Variants in IQSEC1 observed in about 807,000 individuals in gnomAD.
IQSEC1 encodes IQ motif and SEC7 domain-containing protein 1.
A neutral mutation model predicts 91.0 loss-of-function variants in IQSEC1; 31 were observed. That is an observed-to-expected ratio of 0.34 (90% CI 0.26 to 0.46). IQSEC1 has a LOEUF of 0.46. Among genes scored for constraint, IQSEC1 ranks in the 20% least tolerant of loss-of-function variants. The probability of loss-of-function intolerance (pLI) is 1.00; values close to 1 mark genes in which losing one functional copy is unlikely to be tolerated. For synonymous variants in IQSEC1, 699 were observed against 662.6 expected (o/e 1.05, Z -0.84); for missense variants, 1,388 against 1,575.6 (o/e 0.88, Z 2.02).
chr3:12,993,005 C>A (rs928734492), intron 1 of IQSEC1, among the ~76,000 whole-genome samples: 1 of 152,082 alleles, frequency 6.6e-6, no homozygotes, highest in Non-Finnish European at 1.5e-5. Flanking sequence ...GGGTCCCACA[C>A]TCTAAGACCC....
At chr3:13,228,848 T>G (rs1364033802) in intron 1 of IQSEC1, among the ~76,000 whole-genome samples, 4 of 152,230 alleles carry the variant, frequency 2.6e-5, no homozygotes, top group Non-Finnish European at 4.4e-5. Context: ...CCTTCAGGAC[T>G]TGGTGTAAAT....
chr3:13,066,357 G>C (rs1033545979), intron 1 of IQSEC1, among the ~76,000 whole-genome samples: 6 of 152,274 alleles, frequency 3.9e-5, no homozygotes, highest in African/African-American at 1.4e-4. Context: ...GCAAAGGCAG[G>C]ACTTCCGGGC....
At position 13,112,751 on chromosome 3, in the gene IQSEC1, C is replaced by T. The variant is rs908962185; in HGVS notation, c.302+51353G>A. 3.9e-5 allele frequency among the ~76,000 whole-genome samples: 6 copies of T among 152,218 alleles called. 1 individual carries two copies. The highest frequency in any genetic ancestry group is 2.0e-4 in the Admixed American group (3 of 15,292). The stretch of plus-strand genomic sequence containing the variant: ...GCGAGCAGGCCCACCTGCCCCTATG[C>T]CCCTCCCCTGACCTGGCCACACAGG... On this transcript the variant is annotated intron_variant, in intron 2 of 15. Coordinates refer to the IQSEC1 transcript ENST00000648114.
At chr3:13,131,710 C>A (rs1706624400) in intron 2 of IQSEC1, among the ~76,000 whole-genome samples, 1 of 152,122 alleles carries the variant, frequency 6.6e-6, no homozygotes, top group African/African-American at 2.4e-5. Flanking sequence ...TGGTCTCGAA[C>A]TCCTGACCTC....
In IQSEC1 at chr3:13,032,515, G is replaced by A. The variant is rs977803149; in HGVS notation, c.23+40477C>T. On this transcript the variant is annotated intron_variant, in intron 1 of 13. Coordinates refer to ENST00000613206, the MANE Select transcript of IQSEC1 (RefSeq NM_001134382.3). The stretch of plus-strand genomic sequence containing the variant: ...GATCCTGACACGGAAGGACAAGTGT[G>A]CACCCCTAAAACACCAAAATAGCCC... Among the ~76,000 whole-genome samples, 9 of 152,292 alleles carry A rather than the reference G, an allele frequency of 5.9e-5. No homozygotes were observed. In the South Asian group the frequency reaches 1.9e-3, roughly 32 times the overall value.
At position 13,250,419 on chromosome 3, in the gene IQSEC1, C is replaced by CTTTT. The variant is rs201786837; in HGVS notation, c.272+32291_272+32292insAAAA. Among the ~76,000 whole-genome samples the CTTTT allele has an allele frequency of 2.4e-3, 347 of 147,154 alleles. 7 individuals are homozygous for CTTTT. The highest frequency in any genetic ancestry group is 7.1e-3 in the Middle Eastern group (2 of 282). Reference sequence around the variant, plus strand: ...CAGCGAGTGCTATCAGCCCCACTTTCCTTTTTTTTTTTTTTTTGAGACAGA... The same window carrying CTTTT: ...CAGCGAGTGCTATCAGCCCCACTTTCTTTTCTTTTTTTTTTTTTTTTGAGACAGA... On this transcript the variant is annotated intron_variant, in intron 1 of 15. Coordinates refer to the IQSEC1 transcript ENST00000648114.
At chr3:12,985,493 C>CG (rs1220916966) in intron 1 of IQSEC1, among the ~76,000 whole-genome samples, 1 of 142,464 alleles carries the variant, frequency 7.0e-6, no homozygotes, top group Non-Finnish European at 1.5e-5. Context: ...TTAACAATCC[C>CG]CCCCCCCCCG....
At chr3:12,988,114 CTATT>C in intron 1 of IQSEC1, among the ~76,000 whole-genome samples, 1 of 152,290 alleles carries the variant, frequency 6.6e-6, no homozygotes, top group East Asian at 1.9e-4. Context: ...CAATGAAATA[CTATT>C]TATTTAAAAG....
intron 3 of IQSEC1, among the ~76,000 whole-genome samples, chr3:12,933,389 G>A (rs2125286258): frequency 6.6e-6 from 1 of 152,314 alleles, no homozygotes; most frequent in East Asian, 1.9e-4. Flanking sequence ...GCACACAGGA[G>A]CAAGACAGCC....
chr3:13,109,467 C>G (rs1576254129), intron 2 of IQSEC1, among the ~76,000 whole-genome samples: 1 of 152,164 alleles, frequency 6.6e-6, no homozygotes, highest in Non-Finnish European at 1.5e-5. Flanking sequence ...CACCTGCCCC[C>G]AGAGGCTGTG....
Position 12,908,645 on chromosome 3 carries a change from G to C in IQSEC1, c.2579-120C>G. 1.8e-6 allele frequency: 2 copies of C among 1,091,574 alleles called. No homozygotes were observed. Among genetic ancestry groups the C allele is most frequent in the South Asian group, 1.4e-5 (1 of 69,444 alleles). 67.6% of individuals were successfully genotyped at this position (1,091,574 alleles called of 1,614,324 possible). On this transcript the variant is annotated intron_variant, in intron 11 of 13. Coordinates refer to ENST00000613206, the MANE Select transcript of IQSEC1 (RefSeq NM_001134382.3). This position sits in a 1 kb window ranked among gnomAD's most constrained non-coding sequence, Gnocchi z 4.9. Reference sequence around the variant, plus strand: ...CCACCATCTGCTTGGAATGGGGAAGGGTTGTTTCTGGGAAAGAGGGTGTGA... The same window carrying C: ...CCACCATCTGCTTGGAATGGGGAAGCGTTGTTTCTGGGAAAGAGGGTGTGA...
At chr3:12,927,285 T>C (rs1697227978) in intron 3 of IQSEC1, among the ~76,000 whole-genome samples, 1 of 152,162 alleles carries the variant, frequency 6.6e-6, no homozygotes, top group African/African-American at 2.4e-5. Flanking sequence ...TTCTGGCTTC[T>C]GAAAAATCAG....
rs906437967 is a variant in IQSEC1 at position 12,967,943 on chromosome 3, C to T, written c.24-26078G>A. Reference sequence around the variant, plus strand: ...GGCGGGGCTACGCGCAGGGGCGGGGCCGAGCCGAGGCGCGGGGTGCAGAGC... The same window carrying T: ...GGCGGGGCTACGCGCAGGGGCGGGGTCGAGCCGAGGCGCGGGGTGCAGAGC... On this transcript the variant is annotated intron_variant, in intron 1 of 13. Transcript: ENST00000613206. This position sits in a 1 kb window ranked among gnomAD's most constrained non-coding sequence, Gnocchi z 5.9. Among the ~76,000 whole-genome samples the T allele has an allele frequency of 6.6e-6, 1 of 151,730 alleles. No homozygotes were observed. The highest frequency in any genetic ancestry group is 2.4e-5 in the African/African-American group (1 of 41,378).
At position 12,901,253 on chromosome 3, in the gene IQSEC1, G is replaced by T. The variant is rs1013983154; in HGVS notation, c.3075C>A (p.His1025Gln). ...PPEGLPQAAMHGHHTQYCHMQ... is the reference protein window; with the variant it reads ...PPEGLPQAAMQGHHTQYCHMQ... Reference sequence around the variant, plus strand: ...TGTGGCAGTACTGGGTGTGATGCCCGTGCATGGCGGCCTGCGGCAGCCCCT... The same window carrying T: ...TGTGGCAGTACTGGGTGTGATGCCCTTGCATGGCGGCCTGCGGCAGCCCCT... The change falls in exon 14 of 14, where the codon CAC (histidine) becomes CAA (glutamine). Residue 1025 changes from histidine (H) to glutamine (Q), a missense_variant. Physicochemically the swap from His to Gln is conservative, Grantham distance 24. This residue lies in a region of IQSEC1 where 329 missense variants were observed against 257.8 expected (regional missense o/e 1.28). Transcript: ENST00000613206. The T allele has an allele frequency of 2.6e-6, 4 of 1,548,046 alleles. No individual in the cohort carries two copies. In the East Asian group the frequency reaches 9.8e-5, roughly 38 times the overall value.
chr3:13,229,727 C>T (rs1260360289), intron 1 of IQSEC1, among the ~76,000 whole-genome samples: 4 of 152,220 alleles, frequency 2.6e-5, no homozygotes, highest in African/African-American at 9.7e-5. Context: ...CACTGTTCCC[C>T]CTGCTGGGAT....
In IQSEC1 at chr3:13,166,572, G is replaced by A. The variant is rs113243425; in HGVS notation, c.273-2439C>T. 3.2e-4 allele frequency among the ~76,000 whole-genome samples: 48 copies of A among 152,320 alleles called. 1 individual carries two copies. Among genetic ancestry groups the A allele is most frequent in the African/African-American group, 1.0e-3 (42 of 41,568 alleles). ...CATGAGCCCCAGTTTCCTCATTTGC[G>A]GATTAGGGATGATAGCAACAATTGG... is the stretch of plus-strand genomic sequence containing the variant. On this transcript the variant is annotated intron_variant, in intron 1 of 15. Transcript: ENST00000648114.
At chr3:13,002,246 A>G (rs944869882) in intron 1 of IQSEC1, among the ~76,000 whole-genome samples, 1 of 152,254 alleles carries the variant, frequency 6.6e-6, no homozygotes, top group Admixed American at 6.5e-5. Flanking sequence ...AGACAAAAAC[A>G]TAAGAAGAAA....
At chr3:12,931,306 C>T (rs555399591) in intron 3 of IQSEC1, among the ~76,000 whole-genome samples, 5 of 152,198 alleles carry the variant, frequency 3.3e-5, no homozygotes, top group Non-Finnish European at 7.3e-5. Context: ...GCTCAAAGTG[C>T]TCCTAAGAGA....
chr3:12,972,237 G>A (rs1464663091), intron 1 of IQSEC1, among the ~76,000 whole-genome samples: 2 of 151,750 alleles, frequency 1.3e-5, no homozygotes, highest in Non-Finnish European at 2.9e-5. Context: ...CCCGAGTGTA[G>A]GAAGGTCAAG....
Sources: allele counts gnomAD v4.1 joint callset (sites outside exome capture counted in the v4.1 genomes callset), GRCh38; gene constraint gnomAD v4.1.1; regional missense constraint gnomAD v4.1.1; non-coding constraint Gnocchi (gnomAD v3.1); transcripts MANE v1.5; gene names NCBI Gene and HGNC (gene_info 2026-07-23, HGNC 2026-07-21).